KCNJ13: variants seen among roughly 807,000 people sequenced by gnomAD.
The protein encoded by KCNJ13 is inward rectifier potassium channel 13.
KCNJ13 carries 9 observed loss-of-function variants against 24.6 expected under a neutral mutation model. The observed-to-expected ratio is 0.37, with a 90% confidence interval of 0.22 to 0.64. KCNJ13 has a LOEUF of 0.64. KCNJ13 is among the 30% of genes least tolerant of loss of function. KCNJ13 has a pLI of 0.64. For synonymous variants in KCNJ13, 148 were observed against 154.7 expected (o/e 0.96, Z 0.32); for missense variants, 337 against 443.8 (o/e 0.76, Z 2.16).
rs1247664412 is a variant in KCNJ13 at position 232,776,485 on chromosome 2, T to G, written c.-57A>C. ...GTCAGCCTTTATGCCAAGGTAGGTC[T>G]TAAGGAAATTTACAGAGTCTGCCTT... On this transcript the variant is annotated 5_prime_UTR_variant, in exon 1 of 3. Transcript: ENST00000233826. 1 of 1,516,352 alleles carries G rather than the reference T, an allele frequency of 6.6e-7. No individual in the cohort carries two copies. Among genetic ancestry groups the G allele is most frequent in the South Asian group, 1.1e-5 (1 of 87,074 alleles). 93.9% of individuals were successfully genotyped at this position (1,516,352 alleles called of 1,614,324 possible).
Position 232,770,895 on chromosome 2 carries a change from A to G in KCNJ13, c.460+8T>C. The G allele has an allele frequency of 6.2e-7, 1 of 1,604,752 alleles. No homozygotes were observed. Among genetic ancestry groups the G allele is most frequent in the South Asian group, 1.1e-5 (1 of 90,794 alleles). On this transcript the variant is annotated splice_region_variant and intron_variant, in intron 2 of 2. Transcript: ENST00000233826. Reference sequence around the variant, plus strand: ...TTTTGTTTTTTTTAAGAACAAAGACAAAATTACCTGTGATAAAAGCCTCTA... The same window carrying G: ...TTTTGTTTTTTTTAAGAACAAAGACGAAATTACCTGTGATAAAAGCCTCTA...
In KCNJ13 at chr2:232,768,832, A is replaced by ATT. The variant is rs564583458; in HGVS notation, c.461-21_461-20dup. On this transcript the variant is annotated intron_variant, in intron 2 of 2. Transcript: ENST00000233826. Reference sequence around the variant, plus strand: ...AAAGCACCTAAATAAGAAATTATTGATTTTTTTTTAGAATGAAGACTTTAA... The same window carrying ATT: ...AAAGCACCTAAATAAGAAATTATTGATTTTTTTTTTTAGAATGAAGACTTTAA... 2.5e-6 allele frequency: 4 copies of ATT among 1,582,798 alleles called. No individual in the cohort carries two copies. The highest frequency in any genetic ancestry group is 2.7e-5 in the African/African-American group (2 of 73,680).
At chr2:232,769,522 A>G (rs1259172387) in intron 2 of KCNJ13, among the ~76,000 whole-genome samples, 1 of 150,914 alleles carries the variant, frequency 6.6e-6, no homozygotes, top group Non-Finnish European at 1.5e-5. Context: ...AAAAAAAAAA[A>G]AAAAAGTGAT....
chr2:232,767,360 A>G lies in KCNJ13; in HGVS notation c.*831T>C, dbSNP rs1218204312. 2.6e-5 allele frequency: 4 copies of G among 152,248 alleles called. No individual in the cohort carries two copies. Among genetic ancestry groups the G allele is most frequent in the Non-Finnish European group, 5.9e-5 (4 of 68,018 alleles). The allele number at this position is 152,248 out of a possible 1,614,324, so 9.4% of individuals were successfully genotyped here. ...TAGAGCCATCATGATGTTTTATATG[A>G]TCAAATGAATCATACATAGGAGGGG... is the stretch of plus-strand genomic sequence containing the variant. On this transcript the variant is annotated 3_prime_UTR_variant, in exon 3 of 3. Transcript: ENST00000233826.
chr2:232,770,985 G>A lies in KCNJ13; in HGVS notation c.378C>T (p.Phe126=). Residue 126 remains phenylalanine (F), a synonymous_variant, in exon 2 of 3, where the codon TTC becomes TTT. Transcript: ENST00000233826. ...TTGCACTTGGACAGTCACCACTGGG[G>A]AACATGGTACCATAACCAATTGTGA... ...TQLTIGYGTM[F]PSGDCPSAIA... The A allele has an allele frequency of 6.2e-7, 1 of 1,614,054 alleles. No homozygotes were observed. Among genetic ancestry groups the A allele is most frequent in the East Asian group, 2.2e-5 (1 of 44,878 alleles).
At chr2:232,775,218 T>C (rs775403851) in intron 1 of KCNJ13, among the ~76,000 whole-genome samples, 1 of 152,134 alleles carries the variant, frequency 6.6e-6, no homozygotes, top group Non-Finnish European at 1.5e-5. Context: ...TGGTTTAGTG[T>C]AGAGAACGCA....
chr2:232,773,722 A>G (rs1699379919), intron 1 of KCNJ13, among the ~76,000 whole-genome samples: 1 of 152,052 alleles, frequency 6.6e-6, no homozygotes. Flanking sequence ...ATCATACCAA[A>G]TACTTCATAT....
intron 2 of KCNJ13, among the ~76,000 whole-genome samples, chr2:232,770,488 A>C (rs1699190609): frequency 6.6e-6 from 1 of 152,226 alleles, no homozygotes; most frequent in African/African-American, 2.4e-5. Context: ...TCAGTGAAGA[A>C]AAAAAACCAA....
chr2:232,775,843 T>C (rs1481130769), intron 1 of KCNJ13, among the ~76,000 whole-genome samples: 1 of 152,218 alleles, frequency 6.6e-6, no homozygotes, highest in Non-Finnish European at 1.5e-5. Context: ...GTGTAAATAC[T>C]TTAAGACTAT....
chr2:232,770,344 A>G (rs1699183170), intron 2 of KCNJ13, among the ~76,000 whole-genome samples: 1 of 152,192 alleles, frequency 6.6e-6, no homozygotes, highest in South Asian at 2.1e-4. Flanking sequence ...CTTTGTGGAC[A>G]TATTTCCAGT....
Position 232,768,447 on chromosome 2 carries a change from T to G in KCNJ13, c.827A>C (p.Glu276Ala), listed in dbSNP as rs374411396. 221 of 1,614,230 alleles carry G rather than the reference T, an allele frequency of 1.4e-4. 5 individuals carry two copies. In the South Asian group the frequency reaches 2.3e-3, roughly 17 times the overall value. The change falls in exon 3 of 3, where the codon GAG becomes GCG. Residue 276 changes from glutamate to alanine, a missense_variant. Glu to Ala is a moderately radical substitution (Grantham distance 107). Around this residue, in one of 3 missense-constraint regions of KCNJ13, gnomAD observed 235 missense variants for 286.9 expected, o/e 0.82. Coordinates refer to ENST00000233826, the MANE Select transcript of KCNJ13 (RefSeq NM_002242.4). ...ELVVFLSAMQEGTGEICQRRT... is the reference protein window; with the variant it reads ...ELVVFLSAMQAGTGEICQRRT... ...CCTTTGGCATATTTCTCCAGTGCCCTCCTGCATTGCTGAAAGGAATACAAC... is the reference window on the plus strand; with the variant it reads ...CCTTTGGCATATTTCTCCAGTGCCCGCCTGCATTGCTGAAAGGAATACAAC...
rs983002935 is a variant in KCNJ13 at position 232,770,777 on chromosome 2, T to C, written c.460+126A>G. 8.6e-6 allele frequency: 6 copies of C among 696,558 alleles called. No homozygotes were observed. The African/African-American group carries it at 1.1e-4, about 13-fold the overall frequency. 43.1% of individuals were successfully genotyped at this position (696,558 alleles called of 1,614,324 possible). ...CTTTTCTATCTTAGACATTACCTGCTATCAATATAGATAAATTATTCTGTA... is the reference window on the plus strand; with the variant it reads ...CTTTTCTATCTTAGACATTACCTGCCATCAATATAGATAAATTATTCTGTA... On this transcript the variant is annotated intron_variant, in intron 2 of 2. Transcript: ENST00000233826.
chr2:232,773,238 G>A (rs1699345124), intron 1 of KCNJ13, among the ~76,000 whole-genome samples: 1 of 151,962 alleles, frequency 6.6e-6, no homozygotes. Flanking sequence ...AATGTTTTAG[G>A]AGACCTGATC....
At chr2:232,774,506 G>A (rs925483785) in intron 1 of KCNJ13, among the ~76,000 whole-genome samples, 31 of 152,072 alleles carry the variant, frequency 2.0e-4, no homozygotes, top group Non-Finnish European at 2.9e-5. Flanking sequence ...TTTCTGTTTT[G>A]CCAGATGAGA....
chr2:232,773,944 G>GT (rs1412097829), intron 1 of KCNJ13, among the ~76,000 whole-genome samples: 2 of 140,384 alleles, frequency 1.4e-5, no homozygotes, highest in East Asian at 4.4e-4. Flanking sequence ...GGTGTCTTAA[G>GT]TTTCACAGTA....
Position 232,766,259 on chromosome 2 carries a change from G to A in KCNJ13, c.*1932C>T, listed in dbSNP as rs1255529213. Among the ~76,000 whole-genome samples the A allele has an allele frequency of 6.6e-6, 1 of 151,884 alleles. No individual in the cohort carries two copies. The highest frequency in any genetic ancestry group is 1.5e-5 in the Non-Finnish European group (1 of 67,966). The stretch of plus-strand genomic sequence containing the variant: ...AGTAGTTTACCAATAGTTTTTTTTG[G>A]CATGTGTAGGGGAAGTCATATTTAG... On this transcript the variant is annotated 3_prime_UTR_variant, in exon 3 of 3. Coordinates refer to ENST00000233826, the MANE Select transcript of KCNJ13 (RefSeq NM_002242.4).
At chr2:232,772,773 T>G (rs1424377296) in intron 1 of KCNJ13, among the ~76,000 whole-genome samples, 2 of 152,198 alleles carry the variant, frequency 1.3e-5, no homozygotes. Flanking sequence ...TAGATACCCT[T>G]GAGAGTGCTG....
chr2:232,768,155 C>T lies in KCNJ13; in HGVS notation c.*36G>A, dbSNP rs1454996408. Reference sequence around the variant, plus strand: ...AAAGAAAAAGTAGCTGCATAACTGGCTGGGTGTATTTAATACATTAAAAAA... The same window carrying T: ...AAAGAAAAAGTAGCTGCATAACTGGTTGGGTGTATTTAATACATTAAAAAA... On this transcript the variant is annotated 3_prime_UTR_variant, in exon 3 of 3. Transcript: ENST00000233826. 2 of 1,606,914 alleles carry T rather than the reference C, an allele frequency of 1.2e-6. No homozygotes were observed. The highest frequency in any genetic ancestry group is 1.7e-6 in the Non-Finnish European group (2 of 1,174,444).
chr2:232,773,188 A>G (rs968318362), intron 1 of KCNJ13, among the ~76,000 whole-genome samples: 18 of 152,150 alleles, frequency 1.2e-4, no homozygotes, highest in African/African-American at 4.1e-4. Context: ...TTTTCTTGGC[A>G]TAGCTACTTA....
Sources: gnomAD v4.1 joint callset for allele counts (sites outside exome capture counted in the v4.1 genomes callset) on GRCh38, gnomAD v4.1.1 for gene constraint, gnomAD v4.1.1 regional missense constraint, MANE v1.5 for transcripts, NCBI Gene and HGNC (gene_info 2026-07-23, HGNC 2026-07-21) for gene names.